Variants in MCM5 observed in about 807,000 individuals in gnomAD.
MCM5 encodes minichromosome maintenance complex component 5.
A neutral mutation model predicts 79.9 loss-of-function variants in MCM5; 46 were observed. The observed-to-expected ratio is 0.58, with a 90% CI of 0.45 to 0.74. The LOEUF (loss-of-function observed/expected upper bound fraction) is 0.74. MCM5 is among the 30% of genes least tolerant of loss of function. The pLI is 0.00. For synonymous variants in MCM5, 404 were observed against 390.5 expected (o/e 1.03, Z -0.41); for missense variants, 883 against 1,017.0 (o/e 0.87, Z 1.79).
At chr22:35,429,039 GT>G (rs932791635), downstream of MCM5, among the ~76,000 whole-genome samples, 1 of 119,788 alleles carries the variant, frequency 8.3e-6, no homozygotes, top group Non-Finnish European at 1.6e-5. Flanking sequence ...AGGCTGGAGT[GT>G]AGTATCATGA....
chr22:35,421,945 C>G (rs942910001), intron 15 of MCM5: 2 of 262,546 alleles, frequency 7.6e-6, no homozygotes, highest in African/African-American at 4.4e-5. Context: ...TCTCCTGGCC[C>G]CTAGGCCAGC....
the MCM5 span, among the ~76,000 whole-genome samples, chr22:35,434,900 C>T: frequency 6.6e-6 from 1 of 151,642 alleles, no homozygotes; most frequent in Admixed American, 6.6e-5. Context: ...GCCTGTAATC[C>T]CAGCACTTTG....
chr22:35,404,280 G>C (rs1296663460), intron 4 of MCM5, among the ~76,000 whole-genome samples: 1 of 152,144 alleles, frequency 6.6e-6, no homozygotes, highest in Non-Finnish European at 1.5e-5. Context: ...CTTACAGCTC[G>C]TGTGTCTCAG....
At chr22:35,426,068 G>T (rs542788808), downstream of MCM5, among the ~76,000 whole-genome samples, 7 of 152,266 alleles carry the variant, frequency 4.6e-5, no homozygotes, top group South Asian at 1.5e-3. Context: ...GTGCCAGTCA[G>T]GTGGGGGAGA....
chr22:35,411,006 G>A, intron 7 of MCM5, 96 bp downstream of exon 7: 1 of 1,159,186 alleles, frequency 8.6e-7, no homozygotes, highest in East Asian at 2.5e-5. Context: ...AGGTAGCCCA[G>A]GATGTCCTTG....
chr22:35,415,794 T>A (rs1448686630), intron 9 of MCM5, 35 bp from the exon 10 acceptor site: 5 of 1,600,480 alleles, frequency 3.1e-6, no homozygotes, highest in Non-Finnish European at 3.4e-6. Flanking sequence ...AGCATGGAGT[T>A]GTTATTGGGC....
rs1178506737 is a variant in MCM5 at position 35,424,157 on chromosome 22, T to C, written c.2107T>C (p.Tyr703His). The C allele has an allele frequency of 2.6e-6, 4 of 1,548,618 alleles. No individual in the cohort carries two copies. Among genetic ancestry groups the C allele is most frequent in the African/African-American group, 2.7e-5 (2 of 73,012 alleles). ...SIIKDFTKQKYPEHAIHKVLQ... is the reference protein window; with the variant it reads ...SIIKDFTKQKHPEHAIHKVLQ... Reference sequence around the variant, plus strand: ...AGCCAGCCATGTGCTCCCACAGAAATACCCGGAGCACGCCATCCACAAGGT... The same window carrying C: ...AGCCAGCCATGTGCTCCCACAGAAACACCCGGAGCACGCCATCCACAAGGT... The change falls in exon 17 of 17, where the codon TAC becomes CAC. Residue 703 changes from tyrosine (Y) to histidine (H), a missense_variant. By Grantham distance (83) the Tyr-to-His change is moderately conservative. Transcript: ENST00000216122.
At position 35,424,229 on chromosome 22, in the gene MCM5, C is replaced by T. The variant is rs374551933; in HGVS notation, c.2179C>T (p.Arg727Cys). 8.4e-6 allele frequency: 13 copies of T among 1,551,560 alleles called. No individual in the cohort carries two copies. Among genetic ancestry groups the T allele is most frequent in the African/African-American group, 5.5e-5 (4 of 73,196 alleles). ...RRGEIQHRMQ[R>C]KVLYRLK ...CGGCGAGATCCAGCATCGCATGCAGCGCAAGGTTCTCTACCGCCTCAAGTG... is the reference window on the plus strand; with the variant it reads ...CGGCGAGATCCAGCATCGCATGCAGTGCAAGGTTCTCTACCGCCTCAAGTG... Residue 727 changes from arginine to cysteine, a missense_variant, in exon 17 of 17, where the codon CGC (arginine) becomes TGC (cysteine). Arg to Cys is a radical substitution (Grantham distance 180). Around this residue, in one of 3 missense-constraint regions of MCM5, gnomAD observed 426 missense variants for 482.3 expected, o/e 0.88. Coordinates refer to ENST00000216122, the MANE Select transcript of MCM5 (RefSeq NM_006739.4).
the MCM5 span, among the ~76,000 whole-genome samples, chr22:35,453,612 CAGAG>C: frequency 4.7e-5 from 7 of 148,942 alleles, no homozygotes; most frequent in Admixed American, 2.0e-4. Flanking sequence ...TAAATAGAGA[CAGAG>C]AGATAAAGAC....
chr22:35,417,565 C>T lies in MCM5; in HGVS notation c.1591-179C>T, dbSNP rs546435000. On this transcript the variant is annotated intron_variant, in intron 12 of 16. Transcript: ENST00000216122. ...CTCTCTAAAGGAGAATCCAGATGCT[C>T]CCATCAGAACGAGGGCCTGGTGCTG... is the stretch of plus-strand genomic sequence containing the variant. Among the ~76,000 whole-genome samples the T allele has an allele frequency of 7.2e-5, 11 of 152,304 alleles. No homozygotes were observed. In the South Asian group the frequency reaches 1.0e-3, roughly 14 times the overall value.
At chr22:35,432,022 C>T in the MCM5 span, among the ~76,000 whole-genome samples, 9 of 152,156 alleles carry the variant, frequency 5.9e-5, no homozygotes, top group African/African-American at 1.4e-4. Flanking sequence ...AGATAATGAC[C>T]GTACCTACAA....
At position 35,421,382 on chromosome 22, in the gene MCM5, A is replaced by C; in HGVS notation, c.1897A>C (p.Thr633Pro). 3.1e-6 allele frequency: 5 copies of C among 1,614,174 alleles called. No homozygotes were observed. Among genetic ancestry groups the C allele is most frequent in the Non-Finnish European group, 4.2e-6 (5 of 1,180,038 alleles). Residue 633 changes from threonine to proline, a missense_variant, in exon 15 of 17, where the codon ACA becomes CCA. By Grantham distance (38) the Thr-to-Pro change is conservative (BLOSUM62 -1). Coordinates refer to ENST00000216122, the MANE Select transcript of MCM5 (RefSeq NM_006739.4). ...LSKMKLQPFA[T>P]EADVEEALRL... ...CAAGATGAAGCTGCAGCCCTTCGCC[A>C]CAGAGGCAGATGTGGAGGAGGCCCT...
chr22:35,436,230 G>C, the MCM5 span, among the ~76,000 whole-genome samples: 1 of 150,420 alleles, frequency 6.6e-6, no homozygotes, highest in Non-Finnish European at 1.5e-5. Flanking sequence ...ATGGGTCCAA[G>C]ATGGTGTTTG....
chr22:35,454,882 T>C, the MCM5 span, among the ~76,000 whole-genome samples: 13 of 152,092 alleles, frequency 8.5e-5, no homozygotes, highest in African/African-American at 3.1e-4. Flanking sequence ...ACCCACTAGA[T>C]GCCAGTAGCA....
At chr22:35,439,451 TCACC>T in the MCM5 span, among the ~76,000 whole-genome samples, 3 of 6,704 alleles carry the variant, frequency 4.5e-4, no homozygotes, top group African/African-American at 3.0e-3. Flanking sequence ...ATTAATCCAT[TCACC>T]CATCCATCCA....
At chr22:35,413,339 C>T (rs1051296057) in intron 8 of MCM5, among the ~76,000 whole-genome samples, 3 of 152,210 alleles carry the variant, frequency 2.0e-5, no homozygotes, top group Non-Finnish European at 4.4e-5. Context: ...CCACCGCACC[C>T]GGCCGCACAG....
chr22:35,402,033 G>A (rs571680750), intron 2 of MCM5, among the ~76,000 whole-genome samples: 4 of 152,328 alleles, frequency 2.6e-5, no homozygotes, highest in East Asian at 1.9e-4. Context: ...GTGATACTGC[G>A]AGGCTGGGGA....
chr22:35,414,839 C>G (rs1932494475), intron 9 of MCM5, among the ~76,000 whole-genome samples: 1 of 152,166 alleles, frequency 6.6e-6, no homozygotes, highest in African/African-American at 2.4e-5. Flanking sequence ...TGATTGAACC[C>G]AAGTGTCTGA....
chr22:35,410,632 T>G, intron 6 of MCM5, 112 bp from the exon 7 acceptor site: 1 of 1,050,066 alleles, frequency 9.5e-7, no homozygotes, highest in South Asian at 1.3e-5. Context: ...GTGGTGCCTG[T>G]GGCAAAAATG....
Sources: allele counts gnomAD v4.1 joint callset (sites outside exome capture counted in the v4.1 genomes callset), GRCh38; gene constraint gnomAD v4.1.1; regional missense constraint gnomAD v4.1.1; transcripts MANE v1.5; gene names NCBI Gene and HGNC (gene_info 2026-07-23, HGNC 2026-07-21).